Variants in PGAM1 observed in about 807,000 individuals in gnomAD.
The protein encoded by PGAM1 is BPG-dependent PGAM 1.
PGAM1 carries 21 observed loss-of-function variants against 23.5 expected under a neutral mutation model. The observed-to-expected ratio is 0.89, with a 90% CI of 0.63 to 1.29. PGAM1 has a LOEUF of 1.29. Ranked by LOEUF, PGAM1 falls within the 50% of genes most tolerant of loss-of-function variation. The pLI is 0.00. For missense variants in PGAM1, 232 were observed against 336.3 expected (o/e 0.69, Z 2.42); for synonymous variants, 109 against 128.6 (o/e 0.85, Z 1.03).
rs111241805 is a variant in PGAM1, at chr10:97,427,770, G to T, written c.139+1324G>T. The T allele has an allele frequency of 3.3e-4, 431 of 1,288,090 alleles. 3 individuals are homozygous for T. The African/African-American group carries it at 5.3e-3, about 16-fold the overall frequency. 79.8% of individuals were successfully genotyped at this position (1,288,090 alleles called of 1,614,324 possible). A position where few individuals can be genotyped will look rare whatever the true frequency, so the allele number is the denominator to read the frequency against. On this transcript the variant is annotated intron_variant, in intron 1 of 3. Coordinates refer to ENST00000334828, the MANE Select transcript of PGAM1 (RefSeq NM_002629.4). ...AAGAGGTGCTTCCGCTGATGATAGGGGCAGATCCTCCTTTGCTCCCTTCTA... is the reference window on the plus strand; with the variant it reads ...AAGAGGTGCTTCCGCTGATGATAGGTGCAGATCCTCCTTTGCTCCCTTCTA...
At chr10:97,429,865 G>T (rs1845448901) in intron 1 of PGAM1, among the ~76,000 whole-genome samples, 2 of 151,990 alleles carry the variant, frequency 1.3e-5, no homozygotes, top group African/African-American at 4.8e-5. Context: ...GGGCAACATG[G>T]TGAAACCTTG....
chr10:97,427,691 A>G, intron 1 of PGAM1: 2 of 1,223,080 alleles, frequency 1.6e-6, no homozygotes, highest in Non-Finnish European at 1.0e-6. Flanking sequence ...TGGTGTTGGA[A>G]TGCTAATAAG....
At chr10:97,431,460 T>C (rs149279148) in intron 3 of PGAM1, among the ~76,000 whole-genome samples, 77 of 152,282 alleles carry the variant, frequency 5.1e-4, no homozygotes, top group Middle Eastern at 3.4e-3. Flanking sequence ...TAGATTGGTA[T>C]TGTCAAATGA....
chr10:97,430,685 C>A, intron 2 of PGAM1, 32 bp downstream of exon 2: 3 of 1,602,184 alleles, frequency 1.9e-6, no homozygotes, highest in Non-Finnish European at 2.5e-6. Flanking sequence ...GTCACTCCGC[C>A]CAGGATCAGG....
chr10:97,428,063 G>A (rs1845431052), intron 1 of PGAM1: 2 of 554,544 alleles, frequency 3.6e-6, no homozygotes, highest in South Asian at 3.5e-5. Flanking sequence ...TAGCTCTGTG[G>A]CAGGAAGAAC....
rs757667429 is a variant in PGAM1, at chr10:97,426,453, A to T, written c.139+7A>T. On this transcript the variant is annotated splice_region_variant and intron_variant, in intron 1 of 3. Coordinates refer to ENST00000334828, the MANE Select transcript of PGAM1 (RefSeq NM_002629.4). ...GGCGGGCAGGCGCTACGAGGTGCGGAGGGGCCGGGTGTGGGCTGCGAAGGG... is the reference window on the plus strand; with the variant it reads ...GGCGGGCAGGCGCTACGAGGTGCGGTGGGGCCGGGTGTGGGCTGCGAAGGG... The T allele has an allele frequency of 1.3e-6, 2 of 1,592,888 alleles. No homozygotes were observed.
At chr10:97,429,347 G>C (rs1845444476) in intron 1 of PGAM1, among the ~76,000 whole-genome samples, 1 of 151,968 alleles carries the variant, frequency 6.6e-6, no homozygotes, top group Non-Finnish European at 1.5e-5. Flanking sequence ...CTTGTGATCT[G>C]CCCACCTCGG....
chr10:97,427,477 G>C, intron 1 of PGAM1: 1 of 1,025,826 alleles, frequency 9.7e-7, no homozygotes, highest in Non-Finnish European at 1.2e-6. Flanking sequence ...CTTTATAGTT[G>C]GGAAAAGTGA....
intron 1 of PGAM1, chr10:97,427,907 A>T (rs774051838): frequency 7.8e-7 from 1 of 1,289,372 alleles, no homozygotes; most frequent in South Asian, 1.2e-5. Flanking sequence ...TTCTCAAATG[A>T]AGCAAAACGC....
At chr10:97,426,906 C>G (rs1478341176) in intron 1 of PGAM1, among the ~76,000 whole-genome samples, 2 of 152,160 alleles carry the variant, frequency 1.3e-5, no homozygotes, top group Non-Finnish European at 2.9e-5. Flanking sequence ...TGGTGGCGCA[C>G]GCCTGTAATC....
intron 2 of PGAM1, 78 bp from the exon 3 acceptor site, chr10:97,430,877 C>A (rs1229653250): frequency 3.9e-5 from 62 of 1,585,592 alleles, no homozygotes; most frequent in Non-Finnish European, 5.3e-5. Context: ...TGTGAATGGG[C>A]CAAAATCGAT....
At position 97,432,248 on chromosome 10, in the gene PGAM1, T is replaced by A. The variant is rs1589457303; in HGVS notation, c.596-107T>A. ...TACTATAAAGATCAGAAAGGGTGTC[T>A]TATTTTAATTTCTGTCAAAGTCCTT... is the stretch of plus-strand genomic sequence containing the variant. On this transcript the variant is annotated intron_variant, in intron 3 of 3. Coordinates refer to ENST00000334828, the MANE Select transcript of PGAM1 (RefSeq NM_002629.4). 1.5e-4 allele frequency: 213 copies of A among 1,450,734 alleles called. No individual in the cohort carries two copies. The South Asian group carries it at 2.3e-3, about 16-fold the overall frequency. 89.9% of individuals were successfully genotyped at this position (1,450,734 alleles called of 1,614,324 possible). A position where few individuals can be genotyped will look rare whatever the true frequency, so the allele number is the denominator to read the frequency against.
rs1251724295 is a variant in PGAM1, at chr10:97,431,011, G to A, written c.471G>A (p.Lys157=). Residue 157 remains lysine, a synonymous_variant, in exon 3 of 4, where the codon AAG becomes AAA. Transcript: ENST00000334828. The part of the protein sequence containing the change: ...EDQLPSCESL[K]DTIARALPFW... The stretch of plus-strand genomic sequence containing the variant: ...AGCTACCCTCCTGTGAGAGTCTGAA[G>A]GATACTATTGCCAGAGCTCTGCCCT... 3 of 1,613,858 alleles carry A rather than the reference G, an allele frequency of 1.9e-6. No individual in the cohort carries two copies. Among genetic ancestry groups the A allele is most frequent in the African/African-American group, 2.7e-5 (2 of 74,896 alleles).
At chr10:97,429,159 A>G (rs1440739843) in intron 1 of PGAM1, among the ~76,000 whole-genome samples, 1 of 131,480 alleles carries the variant, frequency 7.6e-6, no homozygotes, top group Non-Finnish European at 1.5e-5. Context: ...ACTGGAGTGC[A>G]GTGGCGCGAT....
chr10:97,431,395 G>A (rs531799542), intron 3 of PGAM1, among the ~76,000 whole-genome samples: 17 of 152,074 alleles, frequency 1.1e-4, no homozygotes, highest in African/African-American at 2.4e-4. Flanking sequence ...TTTCAGAATC[G>A]GCATCTATTC....
At chr10:97,427,222 G>C (rs142921034) in intron 1 of PGAM1, 19,119 of 971,160 alleles carry the variant, frequency 0.02, 203 homozygotes, top group Non-Finnish European at 0.022. Context: ...GGATCCTAGC[G>C]GATCGACACG....
intron 1 of PGAM1, among the ~76,000 whole-genome samples, chr10:97,429,090 T>TC (rs1243100032): frequency 2.3e-4 from 33 of 146,352 alleles, no homozygotes; most frequent in African/African-American, 7.5e-4. Context: ...TAAGACTGAT[T>TC]CCTTTTTTTT....
chr10:97,429,295 G>A (rs557200769), intron 1 of PGAM1, among the ~76,000 whole-genome samples: 3 of 151,850 alleles, frequency 2.0e-5, no homozygotes, highest in Admixed American at 6.6e-5. Flanking sequence ...TAGTAGAGAC[G>A]GGGTTTCACC....
intron 1 of PGAM1, 64 bp from the exon 2 acceptor site, chr10:97,430,315 C>T: frequency 6.3e-7 from 1 of 1,587,738 alleles, no homozygotes; most frequent in Non-Finnish European, 8.6e-7. Flanking sequence ...GAGATTGATA[C>T]TGAAGAACAT....
Sources: allele counts gnomAD v4.1 joint callset (sites outside exome capture counted in the v4.1 genomes callset), GRCh38; gene constraint gnomAD v4.1.1; transcripts MANE v1.5; gene names NCBI Gene and HGNC (gene_info 2026-07-23, HGNC 2026-07-21).